EPHX2: variants seen among roughly 807,000 people sequenced by gnomAD.
EPHX2 encodes the protein bifunctional epoxide hydrolase 2.
A neutral mutation model predicts 78.7 loss-of-function variants in EPHX2; 74 were observed. The observed-to-expected ratio is 0.94, with a 90% CI of 0.78 to 1.14. EPHX2 has a LOEUF of 1.14. Among genes scored for constraint, EPHX2 ranks in the 50% most tolerant of loss-of-function variants. The pLI is 0.00. For synonymous variants in EPHX2, 251 were observed against 255.2 expected (o/e 0.98, Z 0.16); for missense variants, 715 against 702.5 (o/e 1.02, Z -0.20).
intron 14 of EPHX2, among the ~76,000 whole-genome samples, chr8:27,539,670 C>T (rs1585223517): frequency 6.6e-6 from 1 of 152,188 alleles, no homozygotes; most frequent in African/African-American, 2.4e-5. Context: ...CCCAGACACA[C>T]GAAGCAGGGT....
At chr8:27,515,409 CTG>C (rs1814409862) in intron 6 of EPHX2, 1 of 349,282 alleles carries the variant, frequency 2.9e-6, no homozygotes, top group Non-Finnish European at 5.4e-6. Context: ...GCATCAGAAA[CTG>C]TGAGAGTATG....
intron 7 of EPHX2, among the ~76,000 whole-genome samples, chr8:27,516,043 C>G (rs934809958): frequency 2.0e-5 from 3 of 152,162 alleles, no homozygotes; most frequent in African/African-American, 7.2e-5. Context: ...ACTCCATGCC[C>G]CCTGCTGGGA....
chr8:27,515,725 T>G lies in EPHX2; in HGVS notation c.743T>G (p.Val248Gly), dbSNP rs146954817. 13 of 1,613,714 alleles carry G rather than the reference T, an allele frequency of 8.1e-6. No homozygotes were observed. The highest frequency in any genetic ancestry group is 3.3e-5 in the Admixed American group (2 of 59,992). The change falls in exon 7 of 19, where the codon GTC becomes GGC. Residue 248 changes from valine (V) to glycine (G), a missense_variant. Coordinates refer to ENST00000521400, the MANE Select transcript of EPHX2 (RefSeq NM_001979.6). ...SHGYVTVKPR[V>G]RLHFVELGSG... is the part of the protein sequence containing the mutation. ...CCTCTTTCCCTTCCACAGCCCAGGG[T>G]CCGTCTGCATTTTGTGGAGCTGGGC... is the stretch of plus-strand genomic sequence containing the variant.
chr8:27,516,406 TGCTGTCTTGCA>T lies in EPHX2; in HGVS notation c.910+17_910+27del, dbSNP rs769463320. Reference sequence around the variant, plus strand: ...AGTCATCTGCTCCTCCCGGTGGGTGTGCTGTCTTGCAGCTGTCTTATGCTGGTCTTGCCTTC... The same window carrying T: ...AGTCATCTGCTCCTCCCGGTGGGTGTGCTGTCTTATGCTGGTCTTGCCTTC... On this transcript the variant is annotated intron_variant, in intron 8 of 18. Transcript: ENST00000521400. 2 of 1,613,378 alleles carry T rather than the reference TGCTGTCTTGCA, an allele frequency of 1.2e-6. No homozygotes were observed. Among genetic ancestry groups the T allele is most frequent in the Non-Finnish European group, 1.7e-6 (2 of 1,179,502 alleles).
In EPHX2 at chr8:27,520,890, T is replaced by C. The variant is rs947704074; in HGVS notation, c.953T>C (p.Val318Ala). 3 of 1,614,200 alleles carry C rather than the reference T, an allele frequency of 1.9e-6. No homozygotes were observed. The Admixed American group carries it at 5.0e-5, about 27-fold the overall frequency. The part of the protein sequence containing the change: ...YCMEVLCKEM[V>A]TFLDKLGLSQ... Reference sequence around the variant, plus strand: ...GTGTGTCTTCTTCCTTAGGAGATGGTAACCTTCCTGGATAAACTGGTAAGT... The same window carrying C: ...GTGTGTCTTCTTCCTTAGGAGATGGCAACCTTCCTGGATAAACTGGTAAGT... The change falls in exon 10 of 19, where the codon GTA becomes GCA. Residue 318 changes from valine (V) to alanine (A), a missense_variant. By Grantham distance (64) the Val-to-Ala change is moderately conservative (BLOSUM62 0). Coordinates refer to ENST00000521400, the MANE Select transcript of EPHX2 (RefSeq NM_001979.6).
chr8:27,516,272 G>A (rs369320010), intron 7 of EPHX2, 48 bp from the exon 8 acceptor site: 56 of 1,557,228 alleles, frequency 3.6e-5, no homozygotes, highest in Non-Finnish European at 4.4e-5. Flanking sequence ...GGGAGTATCC[G>A]CCTAGGACTG....
chr8:27,506,930 T>A lies in EPHX2; in HGVS notation c.596T>A (p.Val199Asp). 6.2e-7 allele frequency: 1 copy of A among 1,614,012 alleles called. No individual in the cohort carries two copies. The highest frequency in any genetic ancestry group is 8.5e-7 in the Non-Finnish European group (1 of 1,179,982). The stretch of plus-strand genomic sequence containing the variant: ...AAGCCAGCCCGTGACTTGGGAATGG[T>A]CACCATCCTGGTCCAGGACACTGAC... ...NLKPARDLGM[V>D]TILVQDTDTA... Residue 199 changes from valine (V) to aspartate (D), a missense_variant, in exon 5 of 19, where the codon GTC becomes GAC. Transcript: ENST00000521400.
intron 5 of EPHX2, among the ~76,000 whole-genome samples, chr8:27,510,091 T>C (rs1016893767): frequency 1.3e-5 from 2 of 152,148 alleles, no homozygotes; most frequent in African/African-American, 4.8e-5. Context: ...CCAGATGCCA[T>C]GGAGATGGGA....
intron 1 of EPHX2, among the ~76,000 whole-genome samples, chr8:27,491,708 C>T (rs1813386583): frequency 6.6e-6 from 1 of 152,108 alleles, no homozygotes; most frequent in African/African-American, 2.4e-5. Context: ...AGCAACCGCC[C>T]AAAGCCACAT....
intron 1 of EPHX2, among the ~76,000 whole-genome samples, chr8:27,494,913 G>A (rs185643603): frequency 6.6e-6 from 1 of 152,340 alleles, no homozygotes; most frequent in Non-Finnish European, 1.5e-5. Flanking sequence ...GTTTCGGTTG[G>A]GGAATACTGG....
intron 9 of EPHX2, among the ~76,000 whole-genome samples, 174 bp downstream of exon 9, chr8:27,518,246 C>G (rs1225134187): frequency 6.6e-6 from 1 of 152,118 alleles, no homozygotes; most frequent in East Asian, 1.9e-4. Context: ...TATGCAGCAT[C>G]GACTGTGTGT....
chr8:27,521,893 G>T (rs1483248893), intron 10 of EPHX2, among the ~76,000 whole-genome samples: 1 of 152,170 alleles, frequency 6.6e-6, no homozygotes, highest in African/African-American at 2.4e-5. Flanking sequence ...TTCTGAGAAC[G>T]TGTCCCCCTT....
At position 27,522,491 on chromosome 8, in the gene EPHX2, C is replaced by G. The variant is rs1814685536; in HGVS notation, c.1041C>G (p.Phe347Leu). Reference protein sequence around the residue: ...GGMLVWYMALFYPERVRAVAS... With the variant: ...GGMLVWYMALLYPERVRAVAS... The stretch of plus-strand genomic sequence containing the variant: ...TGCTGGTGTGGTACATGGCTCTCTT[C>G]TACCCCGAGAGAGTGAGGTAATTGG... Residue 347 changes from phenylalanine (F) to leucine (L), a missense_variant, in exon 11 of 19, where the codon TTC becomes TTG. Coordinates refer to ENST00000521400, the MANE Select transcript of EPHX2 (RefSeq NM_001979.6). 6.2e-7 allele frequency: 1 copy of G among 1,614,050 alleles called. No homozygotes were observed. The highest frequency in any genetic ancestry group is 8.5e-7 in the Non-Finnish European group (1 of 1,179,968).
chr8:27,544,202 G>T lies in EPHX2; in HGVS notation c.1547G>T (p.Arg516Met), dbSNP rs139248331. 5.6e-6 allele frequency: 9 copies of T among 1,614,088 alleles called. No homozygotes were observed. The highest frequency in any genetic ancestry group is 5.9e-6 in the Non-Finnish European group (7 of 1,180,050). Residue 516 changes from arginine (R) to methionine (M), a missense_variant, in exon 18 of 19, where the codon AGG becomes ATG. Transcript: ENST00000521400. ...HMEDWIPHLK[R>M]GHIEDCGHWT... Reference sequence around the variant, plus strand: ...TCCTTTCAGATTCCCCACCTGAAAAGGGGACACATTGAGGACTGTGGGCAC... The same window carrying T: ...TCCTTTCAGATTCCCCACCTGAAAATGGGACACATTGAGGACTGTGGGCAC...
intron 1 of EPHX2, among the ~76,000 whole-genome samples, chr8:27,493,344 C>A (rs189808050): frequency 6.6e-6 from 1 of 152,322 alleles, no homozygotes; most frequent in East Asian, 1.9e-4. Context: ...CAACACTCCT[C>A]CCCTAAGAAG....
chr8:27,533,053 T>G (rs1221554715), intron 12 of EPHX2, among the ~76,000 whole-genome samples: 1 of 152,134 alleles, frequency 6.6e-6, no homozygotes, highest in Non-Finnish European at 1.5e-5. Context: ...AGTTTGAGGA[T>G]GTAGTAAGCC....
chr8:27,495,812 C>T (rs1813551845), intron 1 of EPHX2, among the ~76,000 whole-genome samples: 1 of 152,208 alleles, frequency 6.6e-6, no homozygotes, highest in South Asian at 2.1e-4. Context: ...ACTCCAAGAG[C>T]TATTCCTGCT....
chr8:27,533,383 C>A (rs1261303362), intron 12 of EPHX2, among the ~76,000 whole-genome samples: 1 of 152,170 alleles, frequency 6.6e-6, no homozygotes, highest in African/African-American at 2.4e-5. Context: ...CTCTCCAGGG[C>A]AGACAGGAAA....
chr8:27,525,606 GC>G, intron 12 of EPHX2, 133 bp downstream of exon 12: 1 of 826,768 alleles, frequency 1.2e-6, no homozygotes, highest in East Asian at 2.5e-5. Context: ...TTACAAATGG[GC>G]TCAGGTGAAA....
Sources: gnomAD v4.1 joint callset for allele counts (sites outside exome capture counted in the v4.1 genomes callset) on GRCh38, gnomAD v4.1.1 for gene constraint, MANE v1.5 for transcripts, NCBI Gene and HGNC (gene_info 2026-07-23, HGNC 2026-07-21) for gene names.